The following EPHA6 variants were observed in gnomAD, a reference collection of about 807,000 sequenced individuals.
EPHA6 encodes EPH receptor A6, also known as ephrin type-A receptor 6.
In EPHA6, 50 loss-of-function variants were observed where a neutral mutation model predicts 112.0. The observed-to-expected ratio is 0.45, with a 90% CI of 0.36 to 0.56. The LOEUF is 0.56. Ranked by LOEUF, EPHA6 falls within the 20% of genes least tolerant of loss-of-function variation. The pLI is 0.00. For synonymous variants in EPHA6, 529 were observed against 490.7 expected (o/e 1.08, Z -1.03); for missense variants, 1,280 against 1,417.4 (o/e 0.90, Z 1.56).
At chr3:97,020,108 C>A (rs2044401194) in intron 3 of EPHA6, among the ~76,000 whole-genome samples, 1 of 152,150 alleles carries the variant, frequency 6.6e-6, no homozygotes, top group Non-Finnish European at 1.5e-5. Context: ...CTTCTTTTTG[C>A]TTGCTCTATT....
chr3:96,923,502 T>A (rs1353625276), intron 2 of EPHA6, among the ~76,000 whole-genome samples: 1 of 152,144 alleles, frequency 6.6e-6, no homozygotes, highest in African/African-American at 2.4e-5. Context: ...TTCCTTTAGT[T>A]TCTTTAAATA....
chr3:97,408,638 C>T (rs1267493934), intron 6 of EPHA6, among the ~76,000 whole-genome samples: 3 of 151,990 alleles, frequency 2.0e-5, no homozygotes, highest in African/African-American at 4.8e-5. Flanking sequence ...TGGGTGAGGT[C>T]CTTTTCAGGT....
rs1413621655 is a variant in EPHA6, at chr3:97,659,519, C to T, written c.2784+21437C>T. On this transcript the variant is annotated intron_variant, in intron 14 of 17. Coordinates refer to ENST00000389672, the MANE Select transcript of EPHA6 (RefSeq NM_001080448.3). ...GAGTTTCTACATATTGGTTCAGTAGCTTGTATCAAATGTCCTATACTTCAT... is the reference window on the plus strand; with the variant it reads ...GAGTTTCTACATATTGGTTCAGTAGTTTGTATCAAATGTCCTATACTTCAT... Among the ~76,000 whole-genome samples, 3 of 151,880 alleles carry T rather than the reference C, an allele frequency of 2.0e-5. No individual in the cohort carries two copies. In the South Asian group the frequency reaches 6.2e-4, roughly 31 times the overall value.
chr3:97,405,256 G>C lies in EPHA6; in HGVS notation c.1713G>C (p.Glu571Asp). The change falls in exon 6 of 18, where the codon GAG becomes GAC. Residue 571 changes from glutamate (E) to aspartate (D), a missense_variant. Transcript: ENST00000389672. ...CCAATGGAGCCATTCTGGACTACGAGATCAAGTACTATGAGAAAGTAGGTC... is the reference window on the plus strand; with the variant it reads ...CCAATGGAGCCATTCTGGACTACGACATCAAGTACTATGAGAAAGTAGGTC... ...AFSNGAILDY[E>D]IKYYEKEHEQ... The C allele has an allele frequency of 6.2e-7, 1 of 1,611,670 alleles. No homozygotes were observed. The highest frequency in any genetic ancestry group is 8.5e-7 in the Non-Finnish European group (1 of 1,178,854).
intron 6 of EPHA6, among the ~76,000 whole-genome samples, chr3:97,407,490 TTGTG>T (rs371201863): frequency 6.7e-6 from 1 of 149,314 alleles, no homozygotes; most frequent in African/African-American, 2.5e-5. Context: ...CTGAGTGTGT[TTGTG>T]TGTGTGTGTG....
intron 6 of EPHA6, among the ~76,000 whole-genome samples, chr3:97,423,582 C>T (rs1459813188): frequency 6.6e-6 from 1 of 152,116 alleles, no homozygotes; most frequent in Non-Finnish European, 1.5e-5. Context: ...CTACCCAAAG[C>T]AATCTACATA....
intron 14 of EPHA6, among the ~76,000 whole-genome samples, chr3:97,665,984 G>A (rs1576240808): frequency 6.6e-6 from 1 of 151,834 alleles, no homozygotes; most frequent in East Asian, 1.9e-4. Flanking sequence ...TTGAACCAGG[G>A]AGGCGGAGGT....
chr3:96,983,659 G>A (rs938186428), intron 2 of EPHA6, among the ~76,000 whole-genome samples: 18 of 152,154 alleles, frequency 1.2e-4, no homozygotes, highest in Non-Finnish European at 2.1e-4. Flanking sequence ...TTCCAACTTG[G>A]TTCCATTCTC....
At chr3:97,554,731 T>C (rs759243520) in intron 11 of EPHA6, among the ~76,000 whole-genome samples, 44 of 152,092 alleles carry the variant, frequency 2.9e-4, no homozygotes, top group Non-Finnish European at 5.4e-4. Context: ...AACAGTTCCT[T>C]GTGTCTGTAC....
At chr3:96,875,120 C>G (rs1228280926) in intron 2 of EPHA6, among the ~76,000 whole-genome samples, 1 of 151,922 alleles carries the variant, frequency 6.6e-6, no homozygotes, top group Non-Finnish European at 1.5e-5. Context: ...ACAGATTGTA[C>G]TTATAATAAT....
chr3:97,727,532 C>T (rs566159952), intron 15 of EPHA6, among the ~76,000 whole-genome samples: 1 of 152,086 alleles, frequency 6.6e-6, no homozygotes, highest in South Asian at 2.1e-4. Flanking sequence ...TCAGAGATCC[C>T]AGTCATTTCC....
At chr3:97,010,728 G>C (rs538403962) in intron 3 of EPHA6, among the ~76,000 whole-genome samples, 1 of 151,886 alleles carries the variant, frequency 6.6e-6, no homozygotes, top group South Asian at 2.1e-4. Context: ...TAGCGATCTC[G>C]GCACACTGCA....
At chr3:97,745,823 A>T (rs1029587514) in intron 16 of EPHA6, among the ~76,000 whole-genome samples, 1 of 151,762 alleles carries the variant, frequency 6.6e-6, no homozygotes, top group Non-Finnish European at 1.5e-5. Context: ...GACTTAAAGG[A>T]TTTTTAAGGG....
intron 5 of EPHA6, among the ~76,000 whole-genome samples, chr3:97,337,639 A>C (rs1056671274): frequency 2.6e-5 from 4 of 152,136 alleles, no homozygotes; most frequent in African/African-American, 7.2e-5. Flanking sequence ...TTTCCCACTT[A>C]TGGTAGCAAG....
At chr3:97,315,333 C>A (rs1576928907) in intron 5 of EPHA6, among the ~76,000 whole-genome samples, 1 of 151,584 alleles carries the variant, frequency 6.6e-6, no homozygotes, top group Admixed American at 6.6e-5. Flanking sequence ...CAGCAATATG[C>A]CTGTTGAATT....
At chr3:97,066,331 A>G (rs1455743015) in intron 3 of EPHA6, among the ~76,000 whole-genome samples, 1 of 152,144 alleles carries the variant, frequency 6.6e-6, no homozygotes, top group Non-Finnish European at 1.5e-5. Context: ...ACAAAGCAAT[A>G]ACAAAAGTGA....
At position 97,755,496 on chromosome 3, in the gene EPHA6, T is replaced by C. The variant is rs1385219018; in HGVS notation, c.*6795T>C. On this transcript the variant is annotated 3_prime_UTR_variant, in exon 18 of 18. Transcript: ENST00000389672. ...TGAGATACAAGTATAGATAGGGTGC[T>C]CTACAAAATAATAAAAGGAGGACAA... Among the ~76,000 whole-genome samples, 6 of 152,278 alleles carry C rather than the reference T, an allele frequency of 3.9e-5. No homozygotes were observed. The highest frequency in any genetic ancestry group is 4.4e-5 in the Non-Finnish European group (3 of 67,986).
chr3:96,968,658 ACT>A (rs1479751228), intron 2 of EPHA6, among the ~76,000 whole-genome samples: 2 of 151,666 alleles, frequency 1.3e-5, no homozygotes, highest in African/African-American at 2.4e-5. Context: ...TGACCTTAAA[ACT>A]CTGTGTGATG....
At chr3:97,592,894 G>A (rs1162980675) in intron 12 of EPHA6, among the ~76,000 whole-genome samples, 157 bp downstream of exon 12, 1 of 152,160 alleles carries the variant, frequency 6.6e-6, no homozygotes, top group African/African-American at 2.4e-5. Flanking sequence ...TTATAATACT[G>A]AATGCTGTCA....
Sources: allele counts gnomAD v4.1 joint callset (sites outside exome capture counted in the v4.1 genomes callset), GRCh38; gene constraint gnomAD v4.1.1; transcripts MANE v1.5; gene names NCBI Gene and HGNC (gene_info 2026-07-23, HGNC 2026-07-21).